The following PMEL variants were observed in gnomAD, a reference collection of about 807,000 sequenced individuals.
PMEL encodes the protein melanocyte protein PMEL.
Under a neutral mutation model 64.9 loss-of-function variants are expected in PMEL, and 53 were observed. That is an observed-to-expected ratio of 0.82 (90% CI 0.66 to 1.03). The LOEUF is 1.03. PMEL is among the 50% of genes least tolerant of loss of function. The probability of loss-of-function intolerance (pLI) is 0.00; values close to 1 mark genes in which losing one functional copy is unlikely to be tolerated. For missense variants in PMEL, 716 were observed against 814.9 expected (o/e 0.88, Z 1.48); for synonymous variants, 299 against 316.2 (o/e 0.95, Z 0.58).
rs1888833904 is a variant in PMEL, at chr12:55,955,494, C to T, written c.1732G>A (p.Ala578Thr). 6.2e-7 allele frequency: 1 copy of T among 1,613,968 alleles called. No individual in the cohort carries two copies. The change falls in exon 9 of 11, where the codon GCA (alanine) becomes ACA (threonine). Residue 578 changes from alanine (A) to threonine (T), a missense_variant. By Grantham distance (58) the Ala-to-Thr change is moderately conservative (BLOSUM62 0). Coordinates refer to ENST00000548747, the MANE Select transcript of PMEL (RefSeq NM_001384361.1). ...NVSLADTNSL[A>T]VVSTQLIMPG... The stretch of plus-strand genomic sequence containing the variant: ...ATGATAAGCTGGGTGCTGACCACTG[C>T]CAGGCTGTTGGTATCAGCCAGAGAC...
intron 6 of PMEL, chr12:55,956,570 C>G (rs1888893704): frequency 3.2e-6 from 1 of 314,364 alleles, no homozygotes; most frequent in Admixed American, 4.6e-5. Flanking sequence ...GGATGGGAAT[C>G]CAGGGTTGGG....
In PMEL at chr12:55,955,826, C is replaced by T. The variant is rs780498963; in HGVS notation, c.1509G>A (p.Pro503=). Residue 503 remains proline, a synonymous_variant, in exon 8 of 11, where the codon CCG becomes CCA. Coordinates refer to ENST00000548747, the MANE Select transcript of PMEL (RefSeq NM_001384361.1). ...IESAEILQAV[P]SGEGDAFELT... Reference sequence around the variant, plus strand: ...GCTCAAATGCATCCCCCTCACCGGACGGCACAGCCTGCAGGATCTCGGCAC... The same window carrying T: ...GCTCAAATGCATCCCCCTCACCGGATGGCACAGCCTGCAGGATCTCGGCAC... The T allele has an allele frequency of 1.6e-5, 26 of 1,613,986 alleles. No individual in the cohort carries two copies. The highest frequency in any genetic ancestry group is 3.3e-4 in the Middle Eastern group (2 of 6,084).
rs372307182 is a variant in PMEL at position 55,966,003 on chromosome 12, C to T, written c.9G>A (p.Leu3=). ...AATGAAGAAGGCATCTTTTTAGCAC[C>T]AGATCCATTGTGTTCTTCCCTCCAG... MD[L]VLKRCLLHLA... Residue 3 remains leucine, a synonymous_variant, in exon 1 of 11, where the codon CTG becomes CTA. Transcript: ENST00000548747. The T allele has an allele frequency of 3.1e-6, 5 of 1,614,230 alleles. No individual in the cohort carries two copies. The highest frequency in any genetic ancestry group is 4.2e-6 in the Non-Finnish European group (5 of 1,180,030).
intron 1 of PMEL, among the ~76,000 whole-genome samples, chr12:55,963,873 C>G (rs980242095): frequency 6.6e-6 from 1 of 150,534 alleles, no homozygotes; most frequent in East Asian, 2.0e-4. Context: ...AACCTCTCTC[C>G]CCTCCCCTTC....
In PMEL at chr12:55,957,079, C is replaced by T; in HGVS notation, c.1224G>A (p.Val408=). Residue 408 remains valine, a synonymous_variant, in exon 6 of 11, where the codon GTG becomes GTA. Transcript: ENST00000548747. The part of the protein sequence containing the change: ...TGMTPAEVSI[V]VLSGTTAAQV... ...GTGCAGCTGTGGTTCCAGAAAGCAC[C>T]ACAATTGATACCTCTGCAGGTGTCA... 1 of 1,614,200 alleles carries T rather than the reference C, an allele frequency of 6.2e-7. No homozygotes were observed. The highest frequency in any genetic ancestry group is 8.5e-7 in the Non-Finnish European group (1 of 1,180,030).
intron 3 of PMEL, among the ~76,000 whole-genome samples, chr12:55,960,222 AAAAGAAAAG>A (rs1889047706): frequency 2.1e-5 from 3 of 146,122 alleles, no homozygotes; most frequent in African/African-American, 5.1e-5. Context: ...AAAAAAAAAA[AAAAGAAAAG>A]AAAAGAAAAG....
Position 55,954,221 on chromosome 12 carries a change from T to C in PMEL, c.1979A>G (p.Gln660Arg). Residue 660 changes from glutamine to arginine, a missense_variant, in exon 11 of 11, where the codon CAG becomes CGG. Physicochemically the swap from Gln to Arg is conservative, Grantham distance 43. Transcript: ENST00000548747. ...AGCATCATATGAGAGTACTCAGACC[T>C]GCTGCCCACTGAGGAGGGGGCTGTT... ...GENSPLLSGQ[Q>R]V 1.2e-6 allele frequency: 2 copies of C among 1,610,856 alleles called. No homozygotes were observed. The highest frequency in any genetic ancestry group is 1.7e-6 in the Non-Finnish European group (2 of 1,178,672).
chr12:55,957,432 C>A lies in PMEL; in HGVS notation c.871G>T (p.Val291Phe). 6 of 1,610,786 alleles carry A rather than the reference C, an allele frequency of 3.7e-6. No homozygotes were observed. The South Asian group carries it at 6.6e-5, about 18-fold the overall frequency. ...GTGAGAGGAATGGCAGCCTGCAGGA[C>A]CACCTGGGCAGTGACTGGGCCAGGC... is the stretch of plus-strand genomic sequence containing the variant. ...LEPGPVTAQVVLQAAIPLTSC... is the reference protein window; with the variant it reads ...LEPGPVTAQVFLQAAIPLTSC... The change falls in exon 6 of 11, where the codon GTC becomes TTC. Residue 291 changes from valine to phenylalanine, a missense_variant. Coordinates refer to ENST00000548747, the MANE Select transcript of PMEL (RefSeq NM_001384361.1).
chr12:55,956,372 T>C (rs1279139822), intron 6 of PMEL, 153 bp from the exon 7 acceptor site: 6 of 587,682 alleles, frequency 1.0e-5, no homozygotes, highest in African/African-American at 1.8e-5. Context: ...CCTTATTCTA[T>C]AGATAAGGAA....
chr12:55,959,247 T>C (rs1331367513), intron 3 of PMEL, among the ~76,000 whole-genome samples: 4 of 151,506 alleles, frequency 2.6e-5, no homozygotes, highest in African/African-American at 7.3e-5. Flanking sequence ...TAGCCAGGTG[T>C]GGTGGTATGC....
At position 55,956,229 on chromosome 12, in the gene PMEL, G is replaced by C; in HGVS notation, c.1355-10C>G. The C allele has an allele frequency of 6.5e-7, 1 of 1,538,282 alleles. No homozygotes were observed. Among genetic ancestry groups the C allele is most frequent in the Non-Finnish European group, 9.0e-7 (1 of 1,111,724 alleles). ...AGGGGGCCCAGGGAACCTGGCAGGA[G>C]AGGATCAAGGAGGCAAGATCAAGAG... On this transcript the variant is annotated splice_polypyrimidine_tract_variant and intron_variant, in intron 6 of 10. Coordinates refer to ENST00000548747, the MANE Select transcript of PMEL (RefSeq NM_001384361.1).
chr12:55,966,238 A>T (rs1889295066), upstream of PMEL: 1 of 628,700 alleles, frequency 1.6e-6, no homozygotes, highest in Non-Finnish European at 2.7e-6. Context: ...GGTCACTCTC[A>T]TCTTGATGCA....
intron 6 of PMEL, chr12:55,956,509 G>A (rs539650653): frequency 3.7e-5 from 14 of 374,582 alleles, no homozygotes; most frequent in Non-Finnish European, 5.8e-5. Flanking sequence ...GACATTCAAC[G>A]TGTGTTAACT....
At chr12:55,966,203 T>A, upstream of PMEL, 1 of 813,804 alleles carries the variant, frequency 1.2e-6, no homozygotes, top group South Asian at 1.8e-5. Flanking sequence ...ATCCTGCTAC[T>A]CAATGACAGT....
intron 6 of PMEL, 58 bp downstream of exon 6, chr12:55,956,891 T>C (rs911340278): frequency 4.5e-6 from 7 of 1,562,986 alleles, no homozygotes; most frequent in Non-Finnish European, 6.1e-6. Context: ...GGGTAAGACT[T>C]ACAGAGTAGA....
intron 6 of PMEL, 46 bp downstream of exon 6, chr12:55,956,903 T>C (rs1198347353): frequency 1.9e-6 from 3 of 1,584,662 alleles, no homozygotes; most frequent in Non-Finnish European, 2.6e-6. Context: ...CAGAGTAGAG[T>C]AGGGTACCCC....
chr12:55,965,934 AC>A lies in PMEL; in HGVS notation c.76+1del. 1 of 1,614,088 alleles carries A rather than the reference AC, an allele frequency of 6.2e-7. No individual in the cohort carries two copies. The highest frequency in any genetic ancestry group is 1.1e-5 in the South Asian group (1 of 91,084). On this transcript the variant is annotated splice_donor_variant, in intron 1 of 10. Coordinates refer to ENST00000548747, the MANE Select transcript of PMEL (RefSeq NM_001384361.1). LOFTEE classifies it high-confidence loss of function. ...TGCTCATGTCCACATATCCACACATACCTTTTGTAGCCCCCACAGCCAGCAA... is the reference window on the plus strand; with the variant it reads ...TGCTCATGTCCACATATCCACACATACTTTTGTAGCCCCCACAGCCAGCAA...
Position 55,955,356 on chromosome 12 carries a change from C to G in PMEL, c.1768G>C (p.Glu590Gln). ...VSTQLIMPGQ[E>Q]AGLGQVPLIV... ...AGCGGAACCTGCCCAAGGCCTGCTTCTTGACCTGTGAGAAGAATCCCAGGC... is the reference window on the plus strand; with the variant it reads ...AGCGGAACCTGCCCAAGGCCTGCTTGTTGACCTGTGAGAAGAATCCCAGGC... The change falls in exon 10 of 11, where the codon GAA becomes CAA. Residue 590 changes from glutamate (E) to glutamine (Q), a missense_variant. Coordinates refer to ENST00000548747, the MANE Select transcript of PMEL (RefSeq NM_001384361.1). 6.2e-7 allele frequency: 1 copy of G among 1,614,200 alleles called. No individual in the cohort carries two copies. Among genetic ancestry groups the G allele is most frequent in the Non-Finnish European group, 8.5e-7 (1 of 1,180,034 alleles).
chr12:55,957,820 C>T (rs1205922858), intron 5 of PMEL, 103 bp downstream of exon 5: 15 of 1,536,564 alleles, frequency 9.8e-6, no homozygotes, highest in Middle Eastern at 1.8e-4. Flanking sequence ...GGCCCTTCTA[C>T]TTTAAGTTTG....
Sources: allele counts gnomAD v4.1 joint callset (sites outside exome capture counted in the v4.1 genomes callset), GRCh38; gene constraint gnomAD v4.1.1; transcripts MANE v1.5; gene names NCBI Gene and HGNC (gene_info 2026-07-23, HGNC 2026-07-21).